Variants in MCHR2 observed in about 807,000 individuals in gnomAD.
MCHR2 encodes melanin-concentrating hormone receptor 2.
Under a neutral mutation model 24.8 loss-of-function variants are expected in MCHR2, and 15 were observed. The observed-to-expected ratio is 0.60, with a 90% CI of 0.40 to 0.93. MCHR2 has a LOEUF of 0.93. Ranked by LOEUF, MCHR2 falls within the 40% of genes least tolerant of loss-of-function variation. The probability of loss-of-function intolerance (pLI) is 0.00; values close to 1 mark genes in which losing one functional copy is unlikely to be tolerated. For synonymous variants in MCHR2, 151 were observed against 147.6 expected, an observed-to-expected ratio of 1.02 and a Z score of -0.17; for missense variants, 386 against 408.7, an observed-to-expected ratio of 0.94 and a Z score of 0.48.
chr6:99,956,876 T>C (rs944189257), intron 1 of MCHR2, among the ~76,000 whole-genome samples: 1 of 152,148 alleles, frequency 6.6e-6, no homozygotes, highest in Non-Finnish European at 1.5e-5. Flanking sequence ...CTAAGTCTGG[T>C]ATTTGGAAAT....
At chr6:99,983,761 A>G (rs1228008683) in intron 1 of MCHR2, among the ~76,000 whole-genome samples, 1 of 152,212 alleles carries the variant, frequency 6.6e-6, no homozygotes, top group Non-Finnish European at 1.5e-5. Flanking sequence ...TGCATTTACC[A>G]GATACACCTT....
intron 1 of MCHR2, among the ~76,000 whole-genome samples, chr6:99,957,400 A>C (rs1000547967): frequency 6.6e-6 from 1 of 152,162 alleles, no homozygotes; most frequent in Non-Finnish European, 1.5e-5. Context: ...GATTTTAAAA[A>C]AATGTTCTTC....
chr6:99,924,875 T>G (rs886914272), intron 5 of MCHR2, among the ~76,000 whole-genome samples: 5 of 152,114 alleles, frequency 3.3e-5, no homozygotes, highest in African/African-American at 1.2e-4. Flanking sequence ...TATATTCTGA[T>G]GTCATTGGAT....
chr6:99,987,432 T>A (rs1179434272), intron 1 of MCHR2, among the ~76,000 whole-genome samples: 1 of 152,216 alleles, frequency 6.6e-6, no homozygotes, highest in African/African-American at 2.4e-5. Context: ...CAGCATATAG[T>A]ATGCCATCCA....
At chr6:99,944,573 G>A (rs1251157677) in intron 3 of MCHR2, among the ~76,000 whole-genome samples, 1 of 152,064 alleles carries the variant, frequency 6.6e-6, no homozygotes, top group East Asian at 1.9e-4. Context: ...TCTGGCCAGG[G>A]CTCCTCAGCT....
intron 5 of MCHR2, among the ~76,000 whole-genome samples, chr6:99,931,703 A>G (rs1404006395): frequency 6.6e-6 from 1 of 152,148 alleles, no homozygotes; most frequent in Admixed American, 6.5e-5. Context: ...GCGCAGTATT[A>G]GGGTGGGAGT....
intron 2 of MCHR2, among the ~76,000 whole-genome samples, chr6:99,952,795 C>G (rs1774989876): frequency 6.6e-6 from 1 of 152,024 alleles, no homozygotes; most frequent in South Asian, 2.1e-4. Flanking sequence ...GTGTTAAAAT[C>G]TTAGCAAAAA....
intron 1 of MCHR2, among the ~76,000 whole-genome samples, chr6:99,983,190 C>T (rs1775705019): frequency 6.6e-6 from 1 of 151,948 alleles, no homozygotes; most frequent in Non-Finnish European, 1.5e-5. Context: ...AGGTTGGCCT[C>T]AAACTCCTGG....
chr6:99,966,248 C>T (rs891866771), intron 1 of MCHR2, among the ~76,000 whole-genome samples: 6 of 152,098 alleles, frequency 3.9e-5, no homozygotes, highest in Admixed American at 3.3e-4. Flanking sequence ...AGTAAGAGCT[C>T]TTTTATCTTA....
In MCHR2 at chr6:99,956,131, G is replaced by T; in HGVS notation, c.17C>A (p.Ala6Glu). 1.2e-6 allele frequency: 2 copies of T among 1,611,422 alleles called. No individual in the cohort carries two copies. Among genetic ancestry groups the T allele is most frequent in the Non-Finnish European group, 1.7e-6 (2 of 1,178,750 alleles). Residue 6 changes from alanine (A) to glutamate (E), a missense_variant, in exon 2 of 6, where the codon GCA (alanine) becomes GAA (glutamate). Transcript: ENST00000281806. Reference protein sequence around the residue: MNPFHASCWNTSAELL... With the variant: MNPFHESCWNTSAELL... ...TTCGGCAGAGGTGTTCCAACAAGAT[G>T]CATGAAATGGATTCATTGTTCGTGG...
At chr6:99,926,475 T>C (rs1774361821) in intron 5 of MCHR2, among the ~76,000 whole-genome samples, 1 of 133,590 alleles carries the variant, frequency 7.5e-6, no homozygotes, top group South Asian at 2.5e-4. Context: ...TTCCTATTTC[T>C]CCACATCCTC....
chr6:99,979,824 A>G (rs964470349), intron 1 of MCHR2, among the ~76,000 whole-genome samples: 1 of 152,220 alleles, frequency 6.6e-6, no homozygotes, highest in African/African-American at 2.4e-5. Flanking sequence ...GATTTACCTT[A>G]TATCCCTTTT....
At chr6:99,991,918 T>G (rs1222020839) in intron 1 of MCHR2, among the ~76,000 whole-genome samples, 1 of 152,168 alleles carries the variant, frequency 6.6e-6, no homozygotes, top group African/African-American at 2.4e-5. Context: ...CCCTGAGGCA[T>G]GAAGAAGGTT....
chr6:99,975,144 T>G (rs1775521577), intron 1 of MCHR2, among the ~76,000 whole-genome samples: 1 of 152,162 alleles, frequency 6.6e-6, no homozygotes, highest in Admixed American at 6.5e-5. Context: ...CTGCTGTCTT[T>G]TTGTTTGTTT....
intron 2 of MCHR2, among the ~76,000 whole-genome samples, chr6:99,949,035 G>T (rs1774923422): frequency 6.6e-6 from 1 of 152,112 alleles, no homozygotes; most frequent in Non-Finnish European, 1.5e-5. Context: ...ATCAGCAGGT[G>T]AAATACATTT....
At chr6:99,953,118 G>T (rs1774996224) in intron 2 of MCHR2, among the ~76,000 whole-genome samples, 1 of 151,954 alleles carries the variant, frequency 6.6e-6, no homozygotes. Flanking sequence ...TTACAACTTT[G>T]TCTCTGTATA....
chr6:99,986,293 C>T (rs1228516231), intron 1 of MCHR2, among the ~76,000 whole-genome samples: 1 of 152,036 alleles, frequency 6.6e-6, no homozygotes, highest in Non-Finnish European at 1.5e-5. Context: ...AAAAGAACTA[C>T]GCTTTGATAT....
intron 5 of MCHR2, among the ~76,000 whole-genome samples, chr6:99,927,215 A>G (rs1472502260): frequency 6.6e-6 from 1 of 152,188 alleles, no homozygotes; most frequent in African/African-American, 2.4e-5. Context: ...TGGTACCAGT[A>G]CCATGCTGTT....
chr6:99,969,838 C>T lies in MCHR2; in HGVS notation c.-27-13664G>A, dbSNP rs1437153557. 5.3e-5 allele frequency among the ~76,000 whole-genome samples: 8 copies of T among 151,440 alleles called. No homozygotes were observed. The East Asian group carries it at 7.9e-4, about 15-fold the overall frequency. On this transcript the variant is annotated intron_variant, in intron 1 of 5. Coordinates refer to ENST00000281806, the MANE Select transcript of MCHR2 (RefSeq NM_001040179.2). The stretch of plus-strand genomic sequence containing the variant: ...TTTGGTTTTTGTCCTTGTGATAGTT[C>T]GCTGAGAATGATGGTTTCCAGTTTC...
Sources: gnomAD v4.1 joint callset for allele counts (sites outside exome capture counted in the v4.1 genomes callset) on GRCh38, gnomAD v4.1.1 for gene constraint, MANE v1.5 for transcripts, NCBI Gene and HGNC (gene_info 2026-07-23, HGNC 2026-07-21) for gene names.